The following ABTB3 variants were observed in gnomAD, a reference collection of about 807,000 sequenced individuals.
ABTB3 encodes the protein ankyrin repeat and BTB domain containing 3, also known as ankyrin repeat- and BTB/POZ domain-containing protein 3.
chr12:107,357,853 G>C, the ABTB3 span, among the ~76,000 whole-genome samples: 1 of 152,214 alleles, frequency 6.6e-6, no homozygotes, highest in East Asian at 1.9e-4. Flanking sequence ...ATGGTAGTTG[G>C]TATTTCTGGG....
At chr12:107,568,056 A>G in the ABTB3 span, among the ~76,000 whole-genome samples, 2 of 152,224 alleles carry the variant, frequency 1.3e-5, no homozygotes, top group African/African-American at 4.8e-5. Context: ...ACATGTGACT[A>G]TATCTTAGTG....
chr12:107,581,120 C>T, the ABTB3 span: 1 of 1,545,348 alleles, frequency 6.5e-7, no homozygotes, highest in African/African-American at 1.4e-5. Flanking sequence ...GAGGCCCTAA[C>T]GCGCGTCTCC....
At chr12:107,531,999 C>G in the ABTB3 span, among the ~76,000 whole-genome samples, 19 of 152,190 alleles carry the variant, frequency 1.2e-4, 1 homozygote, top group African/African-American at 4.6e-4. Context: ...GGGAGTCTGC[C>G]TCCAGGACAT....
At chr12:107,513,571 G>A in the ABTB3 span, among the ~76,000 whole-genome samples, 16,640 of 152,064 alleles carry the variant, frequency 0.11, 1,314 homozygotes, top group East Asian at 0.25. Context: ...CCAGCAATGC[G>A]GAACTGTGAG....
At chr12:107,620,558 C>T in the ABTB3 span, among the ~76,000 whole-genome samples, 1 of 152,088 alleles carries the variant, frequency 6.6e-6, no homozygotes, top group Non-Finnish European at 1.5e-5. Context: ...GGTGGGTACC[C>T]TGAGGTGCTG....
the ABTB3 span, among the ~76,000 whole-genome samples, chr12:107,492,385 C>T: frequency 2.0e-5 from 3 of 152,154 alleles, no homozygotes; most frequent in Non-Finnish European, 2.9e-5. Flanking sequence ...TTCCTCTCTC[C>T]ATCTCGCAGG....
the ABTB3 span, among the ~76,000 whole-genome samples, chr12:107,397,579 G>A: frequency 5.9e-5 from 9 of 152,188 alleles, no homozygotes; most frequent in East Asian, 1.7e-3. Flanking sequence ...TTATCATGGG[G>A]TATATTTCTT....
chr12:107,622,696 A>T, the ABTB3 span, among the ~76,000 whole-genome samples: 4 of 151,898 alleles, frequency 2.6e-5, no homozygotes, highest in Non-Finnish European at 4.4e-5. Context: ...GTGATCTCGA[A>T]CTCCTGACCT....
At chr12:107,461,029 C>T in the ABTB3 span, among the ~76,000 whole-genome samples, 1 of 152,150 alleles carries the variant, frequency 6.6e-6, no homozygotes, top group Non-Finnish European at 1.5e-5. Flanking sequence ...CACAGTTCCT[C>T]AGGGCTGGGG....
chr12:107,386,877 G>A, the ABTB3 span, among the ~76,000 whole-genome samples: 5 of 148,904 alleles, frequency 3.4e-5, no homozygotes, highest in Admixed American at 1.3e-4. Context: ...CCGAGAAGTC[G>A]AAGGAAATGG....
At chr12:107,382,069 A>G in the ABTB3 span, among the ~76,000 whole-genome samples, 1 of 152,238 alleles carries the variant, frequency 6.6e-6, no homozygotes, top group Non-Finnish European at 1.5e-5. Context: ...GCAGAAAAAA[A>G]CAATAAATGA....
chr12:107,421,847 C>T, the ABTB3 span, among the ~76,000 whole-genome samples: 12 of 152,206 alleles, frequency 7.9e-5, no homozygotes, highest in Admixed American at 5.9e-4. Context: ...TGCCCAAGGC[C>T]GGTAATTACA....
chr12:107,634,944 A>G, the ABTB3 span: 2 of 177,898 alleles, frequency 1.1e-5, no homozygotes, highest in Non-Finnish European at 2.3e-5. Flanking sequence ...CCAGAATTTT[A>G]GAGTACTGGT....
chr12:107,522,114 G>A, the ABTB3 span, among the ~76,000 whole-genome samples: 2 of 151,938 alleles, frequency 1.3e-5, no homozygotes, highest in Admixed American at 6.6e-5. Flanking sequence ...GTGGTGGGGT[G>A]GGGGAAGGTA....
At chr12:107,566,617 G>A in the ABTB3 span, among the ~76,000 whole-genome samples, 1 of 147,242 alleles carries the variant, frequency 6.8e-6, no homozygotes, top group African/African-American at 2.5e-5. Context: ...CAGGAAACAG[G>A]CATGATGTAG....
chr12:107,485,431 G>T, the ABTB3 span, among the ~76,000 whole-genome samples: 1 of 152,160 alleles, frequency 6.6e-6, no homozygotes, highest in African/African-American at 2.4e-5. Flanking sequence ...ACCTCATGCA[G>T]ATATTCTTAC....
the ABTB3 span, chr12:107,580,940 C>T: frequency 3.2e-6 from 5 of 1,551,628 alleles, no homozygotes; most frequent in Non-Finnish European, 4.4e-6. Context: ...TTCCAGAGAG[C>T]CTGCCCCGGG....
At chr12:107,434,869 G>GA in the ABTB3 span, among the ~76,000 whole-genome samples, 1,488 of 132,432 alleles carry the variant, frequency 0.011, 11 homozygotes, top group African/African-American at 0.021. Context: ...GTTGTCTTGG[G>GA]AAAAAAAAAA....
the ABTB3 span, among the ~76,000 whole-genome samples, chr12:107,476,442 G>T: frequency 6.6e-6 from 1 of 152,112 alleles, no homozygotes; most frequent in Non-Finnish European, 1.5e-5. Flanking sequence ...CTCCTTGTTT[G>T]CCTGGAGGTG....
Sources: allele counts gnomAD v4.1 joint callset (sites outside exome capture counted in the v4.1 genomes callset), GRCh38; gene constraint gnomAD v4.1.1; transcripts MANE v1.5; gene names NCBI Gene and HGNC (gene_info 2026-07-23, HGNC 2026-07-21).